Variants in CARS2 observed in about 807,000 individuals in gnomAD.
The protein encoded by CARS2 is cysteinyl-tRNA synthetase 2, mitochondrial.
CARS2 carries 52 observed loss-of-function variants against 68.8 expected under a neutral mutation model. The observed-to-expected ratio is 0.76, with a 90% CI of 0.61 to 0.95. CARS2 has a LOEUF of 0.95. Among genes scored for constraint, CARS2 ranks in the 40% least tolerant of loss-of-function variants. The pLI, the probability that CARS2 is intolerant of heterozygous loss-of-function variation, is 0.00. For missense variants in CARS2, 780 were observed against 754.2 expected (o/e 1.03, Z -0.40); for synonymous variants, 314 against 303.6 (o/e 1.03, Z -0.36).
Position 110,667,436 on chromosome 13 carries a change from C to T in CARS2, c.823G>A (p.Gly275Arg), listed in dbSNP as rs761655609. The T allele has an allele frequency of 6.2e-7, 1 of 1,613,902 alleles. No homozygotes were observed. Among genetic ancestry groups the T allele is most frequent in the South Asian group, 1.1e-5 (1 of 91,066 alleles). Residue 275 changes from glycine (G) to arginine (R), a missense_variant, in exon 8 of 15, where the codon GGG becomes AGG. By Grantham distance (125) the Gly-to-Arg change is moderately radical. Coordinates refer to ENST00000257347, the MANE Select transcript of CARS2 (RefSeq NM_024537.4). Reference sequence around the variant, plus strand: ...TGATGTGGAAAAGCTAAATCTATCCCACCTGAATGGATATCCAGTTGACTT... The same window carrying T: ...TGATGTGGAAAAGCTAAATCTATCCTACCTGAATGGATATCCAGTTGACTT... ...FGSQLDIHSG[G>R]IDLAFPHHEN...
chr13:110,667,312 A>C, intron 8 of CARS2, 28 bp downstream of exon 8: 1 of 1,593,662 alleles, frequency 6.3e-7, no homozygotes, highest in Non-Finnish European at 8.6e-7. Flanking sequence ...ATTGAAACAG[A>C]ACAAATTAAT....
intron 3 of CARS2, among the ~76,000 whole-genome samples, chr13:110,696,577 T>G (rs1000008957): frequency 3.3e-5 from 5 of 152,232 alleles, no homozygotes; most frequent in African/African-American, 1.2e-4. Flanking sequence ...TTCAGATACA[T>G]GTTTTATTAC....
chr13:110,693,399 G>A (rs1049474718), intron 3 of CARS2, among the ~76,000 whole-genome samples: 4 of 151,848 alleles, frequency 2.6e-5, no homozygotes, highest in South Asian at 2.1e-4. Context: ...TCGCTCTGTC[G>A]CCCAGGCTGG....
At chr13:110,643,906 T>C (rs1887740475) in intron 13 of CARS2, 1 of 292,738 alleles carries the variant, frequency 3.4e-6, no homozygotes. Flanking sequence ...CCTGGCAGCG[T>C]CCACCTTCAC....
In CARS2 at chr13:110,647,126, C is replaced by T. The variant is rs138372705; in HGVS notation, c.1168G>A (p.Val390Ile). The T allele has an allele frequency of 1.3e-4, 209 of 1,601,636 alleles. No individual in the cohort carries two copies. Among genetic ancestry groups the T allele is most frequent in the Non-Finnish European group, 1.7e-4 (197 of 1,174,458 alleles). ...YMKGQLACGS[V>I]REAMLWERLS... is the part of the protein sequence containing the mutation. ...CTCTCCCACAGCATCGCTTCCCTGACGGAGCCGCAGGCCAGCTGCCCCTTC... is the reference window on the plus strand; with the variant it reads ...CTCTCCCACAGCATCGCTTCCCTGATGGAGCCGCAGGCCAGCTGCCCCTTC... Residue 390 changes from valine to isoleucine, a missense_variant, in exon 11 of 15, where the codon GTC becomes ATC. Coordinates refer to ENST00000257347, the MANE Select transcript of CARS2 (RefSeq NM_024537.4).
intron 8 of CARS2, chr13:110,666,344 T>C: frequency 1.0e-6 from 1 of 985,282 alleles, no homozygotes; most frequent in Non-Finnish European, 1.2e-6. Flanking sequence ...GGAAATGGTA[T>C]GGGGTGCTGG....
rs375213252 is a variant in CARS2, at chr13:110,641,583, C to T, written c.1649G>A (p.Trp550Ter). Residue 550 changes from tryptophan to a stop codon, truncating the protein, a stop_gained, in exon 15 of 15, where the codon TGG becomes TAG. Coordinates refer to ENST00000257347, the MANE Select transcript of CARS2 (RefSeq NM_024537.4). LOFTEE classifies it high-confidence loss of function. The part of the protein sequence containing the change: ...IKDRSSTTST[W>*]ELLDQRTKDQ... ...TTTTGTCCTTTGATCCAGCAGTTCC[C>T]ACGTGGATGTTGTACTGCTTCTGTC... The T allele has an allele frequency of 4.2e-5, 68 of 1,613,946 alleles. No homozygotes were observed. The highest frequency in any genetic ancestry group is 5.5e-5 in the Non-Finnish European group (65 of 1,179,956).
At chr13:110,704,282 C>T (rs899236584) in intron 2 of CARS2, among the ~76,000 whole-genome samples, 3 of 152,182 alleles carry the variant, frequency 2.0e-5, no homozygotes, top group Non-Finnish European at 4.4e-5. Flanking sequence ...TCTTTCTCTT[C>T]TACCTTTGTG....
chr13:110,685,569 A>G (rs2063278112), intron 5 of CARS2, among the ~76,000 whole-genome samples: 1 of 152,248 alleles, frequency 6.6e-6, no homozygotes, highest in Non-Finnish European at 1.5e-5. Context: ...CAGTAAAGCA[A>G]AAGGTTTTTA....
intron 14 of CARS2, 105 bp downstream of exon 14, chr13:110,642,210 A>C: frequency 2.2e-6 from 2 of 913,752 alleles, no homozygotes; most frequent in Non-Finnish European, 1.7e-6. Context: ...TCCGTCTCAA[A>C]AAAAAAGCAT....
intron 13 of CARS2, chr13:110,643,043 T>G (rs1391887469): frequency 4.9e-5 from 16 of 328,528 alleles, no homozygotes; most frequent in Non-Finnish European, 9.6e-5. Context: ...TGTACCTATT[T>G]GTTAAATCCA....
At chr13:110,645,786 C>A in intron 12 of CARS2, 181 bp downstream of exon 12, 1 of 775,812 alleles carries the variant, frequency 1.3e-6, no homozygotes, top group Non-Finnish European at 2.0e-6. Flanking sequence ...AGGGTCAAGC[C>A]CCAGGCTGGG....
At chr13:110,682,819 A>T (rs555615579) in intron 6 of CARS2, among the ~76,000 whole-genome samples, 14 of 152,172 alleles carry the variant, frequency 9.2e-5, no homozygotes, top group African/African-American at 3.4e-4. Context: ...CAGGGAATGG[A>T]GCCAGGCACG....
At chr13:110,692,657 A>G (rs1003943663) in intron 3 of CARS2, among the ~76,000 whole-genome samples, 7 of 149,842 alleles carry the variant, frequency 4.7e-5, no homozygotes, top group Middle Eastern at 3.6e-3. Context: ...TACAAAAAAT[A>G]CAAAACAATT....
intron 3 of CARS2, among the ~76,000 whole-genome samples, chr13:110,690,888 C>T (rs2063440119): frequency 1.3e-5 from 2 of 152,216 alleles, no homozygotes; most frequent in African/African-American, 2.4e-5. Flanking sequence ...TAAGCTTTTA[C>T]CTCTTTTGAG....
chr13:110,695,106 G>A (rs2063583986), intron 3 of CARS2, among the ~76,000 whole-genome samples: 1 of 151,970 alleles, frequency 6.6e-6, no homozygotes, highest in African/African-American at 2.4e-5. Context: ...AACTTAGAAG[G>A]CCCTGTCTCT....
chr13:110,708,384 A>G (rs549782120), upstream of CARS2, among the ~76,000 whole-genome samples: 7 of 152,252 alleles, frequency 4.6e-5, no homozygotes, highest in Non-Finnish European at 7.3e-5. Flanking sequence ...TCAAGGAAAT[A>G]ACTGGAGCAG....
At chr13:110,675,387 G>A (rs955857486) in intron 7 of CARS2, among the ~76,000 whole-genome samples, 12 of 152,234 alleles carry the variant, frequency 7.9e-5, no homozygotes, top group Non-Finnish European at 1.6e-4. Context: ...CATAAAAAAG[G>A]ATGAGTTCAT....
At chr13:110,711,661 G>C (rs893997917) in intron 1 of CARS2, among the ~76,000 whole-genome samples, 4 of 152,238 alleles carry the variant, frequency 2.6e-5, no homozygotes, top group Non-Finnish European at 5.9e-5. Flanking sequence ...CAAAGCCAAA[G>C]CTCTCCTGCT....
Sources: allele counts gnomAD v4.1 joint callset (sites outside exome capture counted in the v4.1 genomes callset), GRCh38; gene constraint gnomAD v4.1.1; transcripts MANE v1.5; gene names NCBI Gene and HGNC (gene_info 2026-07-23, HGNC 2026-07-21).